Variants in MLLT10 observed in about 807,000 individuals in gnomAD.
MLLT10 encodes MLLT10 histone lysine methyltransferase DOT1L cofactor.
In MLLT10, 30 loss-of-function variants were observed where a neutral mutation model predicts 129.1. The ratio of observed to expected loss-of-function variants is 0.23; its 90% CI spans 0.17 to 0.32. The LOEUF (loss-of-function observed/expected upper bound fraction) is 0.32, where lower values mean the gene tolerates loss of function less well. MLLT10 is among the 10% of genes least tolerant of loss of function. MLLT10 has a pLI of 1.00. For missense variants in MLLT10, 1,119 were observed against 1,268.3 expected, an observed-to-expected ratio of 0.88 and a Z score of 1.79; for synonymous variants, 490 against 446.4, an observed-to-expected ratio of 1.10 and a Z score of -1.23.
intron 13 of MLLT10, among the ~76,000 whole-genome samples, chr10:21,700,108 CTTT>C (rs79032638): frequency 7.9e-6 from 1 of 126,920 alleles, no homozygotes; most frequent in Non-Finnish European, 1.7e-5. Flanking sequence ...TAAATGTATT[CTTT>C]TTTTTTTTTT....
chr10:21,682,510 A>G (rs1046317753), intron 13 of MLLT10, among the ~76,000 whole-genome samples: 2 of 152,146 alleles, frequency 1.3e-5, no homozygotes, highest in East Asian at 1.9e-4. Context: ...TAAGTTTCTG[A>G]AAGTCTTTTT....
chr10:21,652,848 A>T (rs1181639064), intron 9 of MLLT10, among the ~76,000 whole-genome samples: 2 of 152,200 alleles, frequency 1.3e-5, no homozygotes. Flanking sequence ...AGATGGTGGT[A>T]AAAACAGAGG....
chr10:21,708,660 A>G (rs1336871811), intron 13 of MLLT10: 6 of 984,976 alleles, frequency 6.1e-6, no homozygotes, highest in Non-Finnish European at 7.2e-6. Flanking sequence ...TTTCGTATGT[A>G]AGTATACGTT....
chr10:21,555,276 G>A (rs2037747243), intron 3 of MLLT10, among the ~76,000 whole-genome samples: 4 of 152,102 alleles, frequency 2.6e-5, no homozygotes, highest in Admixed American at 2.0e-4. Context: ...AGGCTGCGGT[G>A]CAGTGGTGTG....
intron 3 of MLLT10, among the ~76,000 whole-genome samples, chr10:21,573,924 A>T (rs765901817): frequency 1.5e-4 from 23 of 152,174 alleles, no homozygotes; most frequent in Non-Finnish European, 3.1e-4. Context: ...GCAACTTTGT[A>T]TGGGAGGGAT....
chr10:21,653,064 G>C (rs1472944022), intron 9 of MLLT10, among the ~76,000 whole-genome samples: 1 of 152,124 alleles, frequency 6.6e-6, no homozygotes, highest in South Asian at 2.1e-4. Flanking sequence ...ATTCAGTTTG[G>C]GATGTGGTTT....
At chr10:21,622,322 A>C (rs1004054451) in intron 8 of MLLT10, among the ~76,000 whole-genome samples, 1 of 147,646 alleles carries the variant, frequency 6.8e-6, no homozygotes, top group African/African-American at 2.5e-5. Context: ...TATGCCGGCC[A>C]ATTTTTTTTT....
chr10:21,554,455 ATTT>A (rs1169101928), intron 3 of MLLT10, among the ~76,000 whole-genome samples: 3 of 139,754 alleles, frequency 2.1e-5, no homozygotes, highest in Admixed American at 7.2e-5. Context: ...CTTCACTTAA[ATTT>A]TTTTTTTTTT....
chr10:21,615,684 G>A (rs900722639), intron 7 of MLLT10, among the ~76,000 whole-genome samples: 3 of 151,796 alleles, frequency 2.0e-5, no homozygotes, highest in Non-Finnish European at 2.9e-5. Flanking sequence ...TATTTACTGG[G>A]AAATAGTAAA....
At chr10:21,658,808 C>T (rs1362090783) in intron 9 of MLLT10, among the ~76,000 whole-genome samples, 6 of 152,030 alleles carry the variant, frequency 3.9e-5, no homozygotes, top group South Asian at 2.1e-4. Flanking sequence ...GGACTACAGG[C>T]GCCTACCACC....
chr10:21,537,950 T>G (rs980271404), intron 2 of MLLT10, among the ~76,000 whole-genome samples: 1 of 152,186 alleles, frequency 6.6e-6, no homozygotes, highest in Non-Finnish European at 1.5e-5. Context: ...AGATATGTGA[T>G]GTATAATTAA....
At chr10:21,584,946 T>C (rs776569654) in intron 3 of MLLT10, among the ~76,000 whole-genome samples, 3 of 151,662 alleles carry the variant, frequency 2.0e-5, no homozygotes, top group Non-Finnish European at 4.4e-5. Flanking sequence ...TGAGATAGGG[T>C]TCACTCTGTA....
chr10:21,599,505 AT>A (rs2043323604), intron 5 of MLLT10, among the ~76,000 whole-genome samples: 2 of 152,026 alleles, frequency 1.3e-5, no homozygotes, highest in South Asian at 2.1e-4. Flanking sequence ...GTTCATTTTA[AT>A]TTTTTCCCCC....
At chr10:21,573,264 G>A (rs1177099816) in intron 3 of MLLT10, among the ~76,000 whole-genome samples, 1 of 152,136 alleles carries the variant, frequency 6.6e-6, no homozygotes, top group African/African-American at 2.4e-5. Context: ...AGCTGTAGGG[G>A]TTTTATTGAT....
chr10:21,626,314 C>T, intron 8 of MLLT10: 3 of 1,027,398 alleles, frequency 2.9e-6, no homozygotes, highest in Non-Finnish European at 4.6e-6. Flanking sequence ...GGTGGCTGGG[C>T]CCGTGAGAAC....
chr10:21,680,045 C>T (rs1272574459), intron 11 of MLLT10, among the ~76,000 whole-genome samples: 1 of 152,064 alleles, frequency 6.6e-6, no homozygotes, highest in East Asian at 1.9e-4. Context: ...ATTTTTCCCT[C>T]AGAAAGCCAT....
chr10:21,646,100 A>T (rs926189753), intron 8 of MLLT10, among the ~76,000 whole-genome samples: 1 of 152,118 alleles, frequency 6.6e-6, no homozygotes, highest in Non-Finnish European at 1.5e-5. Flanking sequence ...AGCTACGTGG[A>T]TGGCTGTAGG....
chr10:21,621,702 C>T (rs939584294), intron 8 of MLLT10, among the ~76,000 whole-genome samples: 2 of 151,996 alleles, frequency 1.3e-5, no homozygotes, highest in African/African-American at 4.8e-5. Flanking sequence ...CCCTGCCTCC[C>T]ATGCACTGCC....
rs964547782 is a variant in MLLT10, at chr10:21,626,287, A to G, written c.699+9080A>G. ...CAAGATCGATACAAGCTATCAATCCAGGGCAGAGCAGGGGCTGGTGGCTGG... is the reference window on the plus strand; with the variant it reads ...CAAGATCGATACAAGCTATCAATCCGGGGCAGAGCAGGGGCTGGTGGCTGG... On this transcript the variant is annotated intron_variant, in intron 8 of 22. Coordinates refer to ENST00000307729, the MANE Select transcript of MLLT10 (RefSeq NM_001195626.3). The G allele has an allele frequency of 3.8e-6, 5 of 1,316,484 alleles. No individual in the cohort carries two copies. The African/African-American group carries it at 5.8e-5, about 15-fold the overall frequency. The allele number at this position is 1,316,484 out of a possible 1,614,324, so 81.6% of individuals were successfully genotyped here.
Sources: gnomAD v4.1 joint callset for allele counts (sites outside exome capture counted in the v4.1 genomes callset) on GRCh38, gnomAD v4.1.1 for gene constraint, MANE v1.5 for transcripts, NCBI Gene and HGNC (gene_info 2026-07-23, HGNC 2026-07-21) for gene names.